Variants in LYST observed in about 807,000 individuals in gnomAD.
LYST encodes the protein lysosomal-trafficking regulator.
A neutral mutation model predicts 413.6 loss-of-function variants in LYST; 192 were observed. That is an observed-to-expected ratio of 0.46 (90% CI 0.41 to 0.52). The LOEUF is 0.52. Ranked by LOEUF, LYST falls within the 20% of genes least tolerant of loss-of-function variation. The pLI is 0.00. For missense variants in LYST, 3,815 were observed against 4,499.9 expected (o/e 0.85, Z 4.35); for synonymous variants, 1,525 against 1,567.3 (o/e 0.97, Z 0.64).
intron 34 of LYST, among the ~76,000 whole-genome samples, 180 bp downstream of exon 34, chr1:235,733,323 A>G (rs866007328): frequency 6.6e-6 from 1 of 152,176 alleles, no homozygotes; most frequent in South Asian, 2.1e-4. Context: ...TTCTTCCTCA[A>G]GAATTAAAAA....
At chr1:235,788,918 A>T in intron 12 of LYST, 73 bp from the exon 13 acceptor site, 1 of 1,400,470 alleles carries the variant, frequency 7.1e-7, no homozygotes, top group Non-Finnish European at 1.0e-6. Flanking sequence ...AATTTAGAAG[A>T]ATACAAAGCA....
At chr1:235,825,428 A>G (rs989172772) in intron 3 of LYST, among the ~76,000 whole-genome samples, 1 of 152,228 alleles carries the variant, frequency 6.6e-6, no homozygotes, top group Non-Finnish European at 1.5e-5. Context: ...ATCATTATTT[A>G]CATACAAAAT....
In LYST at chr1:235,741,484, C is replaced by A. The variant is rs772304482; in HGVS notation, c.8296G>T (p.Glu2766Ter). ...TGATGATTTGGTTCATGAACTATTT[C>A]AAAAATTTGCTTTCTCTCTTGTGCA... ...HAAQERKQIF[E>*]IVHEPNHQEI... Residue 2766 changes from glutamate (E) to a stop codon, truncating the protein, a stop_gained, in exon 31 of 53, where the codon GAA becomes TAA. Transcript: ENST00000389793. LOFTEE classifies it high-confidence loss of function. 1.2e-6 allele frequency: 2 copies of A among 1,614,080 alleles called. No homozygotes were observed. The highest frequency in any genetic ancestry group is 1.3e-5 in the African/African-American group (1 of 75,024).
At chr1:235,848,778 A>G (rs1261335294) in intron 1 of LYST, among the ~76,000 whole-genome samples, 2 of 152,170 alleles carry the variant, frequency 1.3e-5, no homozygotes, top group Non-Finnish European at 1.5e-5. Flanking sequence ...AAAGTCTAGA[A>G]GAGATGGATA....
chr1:235,880,626 T>C (rs1681336296), intron 1 of LYST, among the ~76,000 whole-genome samples: 1 of 152,112 alleles, frequency 6.6e-6, no homozygotes, highest in African/African-American at 2.4e-5. Context: ...TTACCAAGAG[T>C]ATTTTTTCTA....
chr1:235,812,666 T>C (rs1673584448), intron 4 of LYST, among the ~76,000 whole-genome samples: 1 of 152,114 alleles, frequency 6.6e-6, no homozygotes, highest in African/African-American at 2.4e-5. Context: ...ACTTCCAACT[T>C]TTCACTATCC....
At position 235,746,404 on chromosome 1, in the gene LYST, G is replaced by T. The variant is rs1665931367; in HGVS notation, c.7904C>A (p.Thr2635Asn). 1.9e-6 allele frequency: 3 copies of T among 1,613,838 alleles called. No individual in the cohort carries two copies. The highest frequency in any genetic ancestry group is 2.5e-6 in the Non-Finnish European group (3 of 1,179,922). ...TAGTCTCTGCGCAAGTTCCGTTTCA[G>T]TTGCTTGGCTAGGGTTCTCTTGGCT... ...RMSQENPSQATETELAQRLQR... is the reference protein window; with the variant it reads ...RMSQENPSQANETELAQRLQR... Residue 2635 changes from threonine (T) to asparagine (N), a missense_variant, in exon 29 of 53, where the codon ACT (threonine) becomes AAT (asparagine). Transcript: ENST00000389793.
chr1:235,881,573 T>A (rs1478945788), intron 1 of LYST, among the ~76,000 whole-genome samples: 11 of 152,198 alleles, frequency 7.2e-5, no homozygotes. Context: ...GCAATGCAAG[T>A]GTCCATTGAT....
chr1:235,809,229 T>C lies in LYST; in HGVS notation c.1589A>G (p.Lys530Arg). Residue 530 changes from lysine to arginine, a missense_variant, in exon 5 of 53, where the codon AAA becomes AGA. Physicochemically the swap from Lys to Arg is conservative, Grantham distance 26. Transcript: ENST00000389793. The surrounding 1 kb of genome is among the most constrained non-coding windows in gnomAD (Gnocchi z 4.0). Reference protein sequence around the residue: ...LVSAFKNQVSKNPFEETADGD... With the variant: ...LVSAFKNQVSRNPFEETADGD... ...ATCTGCAGTCTCTTCAAATGGGTTT[T>C]TGGAAACCTGGTTTTTAAAAGCCGA... 2 of 1,613,856 alleles carry C rather than the reference T, an allele frequency of 1.2e-6. No individual in the cohort carries two copies. Among genetic ancestry groups the C allele is most frequent in the African/African-American group, 1.3e-5 (1 of 74,966 alleles).
At chr1:235,838,073 G>A (rs757113956) in intron 1 of LYST, among the ~76,000 whole-genome samples, 3 of 152,146 alleles carry the variant, frequency 2.0e-5, no homozygotes, top group South Asian at 2.1e-4. Context: ...CAGAGAATAC[G>A]AGTATAGATG....
rs747164600 is a variant in LYST, at chr1:235,759,123, C to T, written c.6730G>A (p.Ala2244Thr). The T allele has an allele frequency of 3.1e-6, 5 of 1,614,070 alleles. No individual in the cohort carries two copies. Among genetic ancestry groups the T allele is most frequent in the East Asian group, 4.5e-5 (2 of 44,896 alleles). Residue 2244 changes from alanine (A) to threonine (T), a missense_variant, in exon 23 of 53, where the codon GCA becomes ACA. By Grantham distance (58) the Ala-to-Thr change is moderately conservative. Coordinates refer to ENST00000389793, the MANE Select transcript of LYST (RefSeq NM_000081.4). ...GAAGGAAAAGCTAGCCCAAGGCTTG[C>T]AATAGTGCTGTGGCTTCGCTGGAAG... ...ASFQRSHSTI[A>T]SLGLAFPSQN...
intron 9 of LYST, 41 bp downstream of exon 9, chr1:235,800,828 GTC>G: frequency 2.3e-6 from 3 of 1,319,596 alleles, no homozygotes; most frequent in African/African-American, 1.4e-5. Context: ...TGGGTGATGA[GTC>G]TGATAAATAT....
chr1:235,829,917 G>A (rs532478657), intron 3 of LYST: 3 of 215,110 alleles, frequency 1.4e-5, no homozygotes, highest in African/African-American at 2.3e-5. Flanking sequence ...AAGATACAGG[G>A]ATATAAGATT....
chr1:235,720,500 C>A (rs979993084), intron 40 of LYST, among the ~76,000 whole-genome samples, 161 bp downstream of exon 40: 1 of 152,102 alleles, frequency 6.6e-6, no homozygotes, highest in Non-Finnish European at 1.5e-5. Flanking sequence ...TGGCAAAAAT[C>A]TTCATAATTC....
rs531868233 is a variant in LYST at position 235,810,805 on chromosome 1, A to T, written c.284-271T>A. 2.0e-5 allele frequency among the ~76,000 whole-genome samples: 3 copies of T among 152,316 alleles called. No homozygotes were observed. In the South Asian group the frequency reaches 6.2e-4, roughly 32 times the overall value. ...AGAGGCACACCTATACTTACTCTAAACACTAGCTGACATTACTTCAAAGGA... is the reference window on the plus strand; with the variant it reads ...AGAGGCACACCTATACTTACTCTAATCACTAGCTGACATTACTTCAAAGGA... On this transcript the variant is annotated intron_variant, in intron 4 of 52. Transcript: ENST00000389793.
At position 235,770,195 on chromosome 1, in the gene LYST, C is replaced by T. The variant is rs1668532462; in HGVS notation, c.5887G>A (p.Val1963Ile). ...NIKQLLKAQV[V>I]HHFLLTCQVL... ...TGACAAGTCAGTAGAAAGTGATGAA[C>T]CACTTGAGCTTTCAATAACTGCTTA... Residue 1963 changes from valine (V) to isoleucine (I), a missense_variant, in exon 20 of 53, where the codon GTT becomes ATT. Coordinates refer to ENST00000389793, the MANE Select transcript of LYST (RefSeq NM_000081.4). 6.2e-7 allele frequency: 1 copy of T among 1,613,582 alleles called. No individual in the cohort carries two copies. Among genetic ancestry groups the T allele is most frequent in the Non-Finnish European group, 8.5e-7 (1 of 1,179,668 alleles).
At chr1:235,879,663 T>C (rs1681288559) in intron 1 of LYST, among the ~76,000 whole-genome samples, 2 of 152,274 alleles carry the variant, frequency 1.3e-5, no homozygotes. Flanking sequence ...AGGCTGTTTC[T>C]GAGCATTCTA....
At chr1:235,703,060 T>A (rs1443236910) in intron 44 of LYST, 83 bp from the exon 45 acceptor site, 1 of 1,008,848 alleles carries the variant, frequency 9.9e-7, no homozygotes, top group Admixed American at 1.7e-5. Flanking sequence ...AAAACAACAC[T>A]TTGTTTTATA....
At chr1:235,768,393 C>G (rs1363772240) in intron 20 of LYST, among the ~76,000 whole-genome samples, 4 of 152,170 alleles carry the variant, frequency 2.6e-5, no homozygotes, top group Middle Eastern at 3.4e-3. Flanking sequence ...GCTGTACTCA[C>G]AAATGAATGA....
Sources: gnomAD v4.1 joint callset for allele counts (sites outside exome capture counted in the v4.1 genomes callset) on GRCh38, gnomAD v4.1.1 for gene constraint, Gnocchi (gnomAD v3.1) non-coding constraint, MANE v1.5 for transcripts, NCBI Gene and HGNC (gene_info 2026-07-23, HGNC 2026-07-21) for gene names.